EHMT1: variants seen among roughly 807,000 people sequenced by gnomAD.
EHMT1 encodes euchromatic histone lysine methyltransferase 1, also known as histone-lysine N-methyltransferase EHMT1.
EHMT1 carries 15 observed loss-of-function variants against 147.2 expected under a neutral mutation model. The ratio of observed to expected loss-of-function variants is 0.10; its 90% CI spans 0.07 to 0.16. EHMT1 has a LOEUF of 0.16. Ranked by LOEUF, EHMT1 falls within the 10% of genes least tolerant of loss-of-function variation. The pLI is 1.00. For missense variants in EHMT1, 1,587 were observed against 1,772.4 expected, an observed-to-expected ratio of 0.90 and a Z score of 1.88; for synonymous variants, 795 against 709.6, an observed-to-expected ratio of 1.12 and a Z score of -1.91.
chr9:137,816,657 T>G (rs1307622981), intron 23 of EHMT1: 2 of 169,524 alleles, frequency 1.2e-5, no homozygotes, highest in African/African-American at 2.4e-5. Context: ...ATTGGAGAAG[T>G]CAAAGCTCCT....
chr9:137,780,296 A>T (rs1388626300), intron 14 of EHMT1, among the ~76,000 whole-genome samples: 1 of 129,886 alleles, frequency 7.7e-6, no homozygotes, highest in East Asian at 2.4e-4. Context: ...TGTGGTGATG[A>T]CGCTGAGATG....
At position 137,664,417 on chromosome 9, in the gene EHMT1, ACTCGGCT is replaced by A. The variant is rs1334389152; in HGVS notation, c.21+45369_21+45375del. Among the ~76,000 whole-genome samples, 3 of 151,016 alleles carry A rather than the reference ACTCGGCT, an allele frequency of 2.0e-5. No homozygotes were observed. The East Asian group carries it at 5.8e-4, about 29-fold the overall frequency. On this transcript the variant is annotated intron_variant, in intron 1 of 26. Transcript: ENST00000460843. Reference sequence around the variant, plus strand: ...TGGGATTACAGGTGCCCTCCACCACACTCGGCTAATTTTTGTATTTTTAGTAGAGACT... The same window carrying A: ...TGGGATTACAGGTGCCCTCCACCACAAATTTTTGTATTTTTAGTAGAGACT...
intron 9 of EHMT1, among the ~76,000 whole-genome samples, chr9:137,761,314 G>T (rs910389147): frequency 1.3e-5 from 2 of 152,224 alleles, no homozygotes; most frequent in African/African-American, 4.8e-5. Context: ...GCCAAAAGTA[G>T]CCCAAGATAT....
chr9:137,718,597 GTCC>G (rs1218608066), intron 3 of EHMT1, among the ~76,000 whole-genome samples: 1 of 152,092 alleles, frequency 6.6e-6, no homozygotes, highest in Non-Finnish European at 1.5e-5. Context: ...CGGCTCTTCT[GTCC>G]TCCTGGGCAG....
At chr9:137,823,450 C>A (rs768094154) in intron 25 of EHMT1, 74 of 360,670 alleles carry the variant, frequency 2.1e-4, no homozygotes, top group Non-Finnish European at 4.3e-5. Context: ...CTGGCTCTGT[C>A]ACCCAGGCTG....
At chr9:137,695,527 G>T (rs959955850) in intron 1 of EHMT1, among the ~76,000 whole-genome samples, 4 of 152,272 alleles carry the variant, frequency 2.6e-5, no homozygotes, top group African/African-American at 9.6e-5. Flanking sequence ...CAGGAATTCA[G>T]ACGGCACAGA....
chr9:137,679,998 A>AGT (rs1379658269), intron 1 of EHMT1, among the ~76,000 whole-genome samples: 4 of 151,910 alleles, frequency 2.6e-5, no homozygotes, highest in Non-Finnish European at 5.9e-5. Context: ...TGTCTCAGTG[A>AGT]GTGTTTGATT....
At chr9:137,630,688 G>A (rs909797024) in intron 1 of EHMT1, among the ~76,000 whole-genome samples, 3 of 152,070 alleles carry the variant, frequency 2.0e-5, no homozygotes, top group Non-Finnish European at 2.9e-5. Context: ...ATTGTCTGAC[G>A]TGCATTCGTA....
intron 10 of EHMT1, among the ~76,000 whole-genome samples, chr9:137,771,622 C>T (rs937107374): frequency 6.6e-6 from 1 of 152,152 alleles, no homozygotes; most frequent in Non-Finnish European, 1.5e-5. Flanking sequence ...CACAGGCGAG[C>T]ACCTTGCTGG....
chr9:137,741,317 C>G (rs1293912205), intron 4 of EHMT1, among the ~76,000 whole-genome samples: 2 of 151,566 alleles, frequency 1.3e-5, no homozygotes, highest in East Asian at 3.9e-4. Flanking sequence ...GGGTTATCTC[C>G]TTTGTCCTCA....
chr9:137,831,925 T>C (rs1956216221), intron 25 of EHMT1, among the ~76,000 whole-genome samples: 1 of 151,676 alleles, frequency 6.6e-6, no homozygotes, highest in Non-Finnish European at 1.5e-5. Context: ...CTGGGCTCCC[T>C]CCACAGGCTC....
chr9:137,690,526 A>T (rs1942844922), intron 1 of EHMT1, among the ~76,000 whole-genome samples: 1 of 151,336 alleles, frequency 6.6e-6, no homozygotes, highest in East Asian at 1.9e-4. Flanking sequence ...AAAAAAAAAA[A>T]ATTACAGACT....
chr9:137,747,294 A>G (rs1948623368), intron 6 of EHMT1: 1 of 152,058 alleles, frequency 6.6e-6, no homozygotes, highest in African/African-American at 2.4e-5. Context: ...AGTAGCTGGG[A>G]TTATAGGCAC....
intron 1 of EHMT1, among the ~76,000 whole-genome samples, chr9:137,662,531 G>A (rs1314987563): frequency 6.6e-6 from 1 of 151,736 alleles, no homozygotes; most frequent in South Asian, 2.1e-4. Context: ...ACAGAGTCTC[G>A]CTCTGTTGCC....
chr9:137,649,206 G>C (rs1215092495), intron 1 of EHMT1, among the ~76,000 whole-genome samples: 1 of 152,032 alleles, frequency 6.6e-6, no homozygotes, highest in African/African-American at 2.4e-5. Context: ...CACTTTGTGA[G>C]GCCAAGGCGG....
chr9:137,638,539 C>G (rs1589074730), intron 1 of EHMT1: 1 of 152,186 alleles, frequency 6.6e-6, no homozygotes, highest in South Asian at 2.1e-4. Context: ...GCCACTGCAC[C>G]CGGCCTAGTT....
chr9:137,676,644 A>C (rs1224109569), intron 1 of EHMT1: 1 of 152,430 alleles, frequency 6.6e-6, no homozygotes, highest in Non-Finnish European at 1.5e-5. Flanking sequence ...CCTTTACGCC[A>C]AATGCTTTTG....
intron 1 of EHMT1, among the ~76,000 whole-genome samples, chr9:137,642,852 T>C (rs1844593199): frequency 6.6e-6 from 1 of 152,234 alleles, no homozygotes; most frequent in South Asian, 2.1e-4. Flanking sequence ...TTTACCTGTG[T>C]AGCTGCTTTT....
chr9:137,746,355 A>G (rs969211196), intron 6 of EHMT1: 11 of 152,164 alleles, frequency 7.2e-5, no homozygotes, highest in African/African-American at 2.6e-4. Context: ...GCTTAAGTGA[A>G]CCTTCCACCT....
Sources: gnomAD v4.1 joint callset for allele counts (sites outside exome capture counted in the v4.1 genomes callset) on GRCh38, gnomAD v4.1.1 for gene constraint, MANE v1.5 for transcripts, NCBI Gene and HGNC (gene_info 2026-07-23, HGNC 2026-07-21) for gene names.